The following TESC variants were observed in gnomAD, a reference collection of about 807,000 sequenced individuals.
The protein encoded by TESC is calcineurin B homologous protein 3.
TESC carries 19 observed loss-of-function variants against 31.0 expected under a neutral mutation model. That is an observed-to-expected ratio of 0.61 (90% CI 0.43 to 0.90). TESC has a LOEUF of 0.90. Among genes scored for constraint, TESC ranks in the 40% least tolerant of loss-of-function variants. The probability of loss-of-function intolerance (pLI) is 0.00; values close to 1 mark genes in which losing one functional copy is unlikely to be tolerated. For missense variants in TESC, 248 were observed against 303.8 expected, an observed-to-expected ratio of 0.82 and a Z score of 1.36; for synonymous variants, 109 against 114.8, an observed-to-expected ratio of 0.95 and a Z score of 0.32.
intron 1 of TESC, among the ~76,000 whole-genome samples, chr12:117,093,939 G>A (rs1302916351): frequency 4.6e-5 from 7 of 152,098 alleles, no homozygotes; most frequent in Non-Finnish European, 2.9e-5. Context: ...GAGCAGACAC[G>A]GATGGGGGGG....
chr12:117,040,292 G>A (rs866525831), intron 7 of TESC, among the ~76,000 whole-genome samples: 1 of 152,100 alleles, frequency 6.6e-6, no homozygotes, highest in South Asian at 2.1e-4. Context: ...AGGGTAACAC[G>A]CATGGACACT....
intron 1 of TESC, chr12:117,083,930 C>T (rs1815756514): frequency 6.6e-6 from 1 of 152,060 alleles, no homozygotes. Context: ...CCCATCTCTA[C>T]TGAAAATACA....
At chr12:117,042,102 T>C in intron 6 of TESC, 108 bp from the exon 7 acceptor site, 1 of 1,119,292 alleles carries the variant, frequency 8.9e-7, no homozygotes, top group African/African-American at 1.6e-5. Flanking sequence ...CAAATGTAAG[T>C]TGTTGAGGCT....
chr12:117,087,071 C>T (rs888686809), intron 1 of TESC, among the ~76,000 whole-genome samples: 3 of 152,206 alleles, frequency 2.0e-5, no homozygotes, highest in Admixed American at 6.5e-5. Context: ...GCCTGGCACA[C>T]GCAGGGCACT....
intron 1 of TESC, among the ~76,000 whole-genome samples, chr12:117,083,473 G>A (rs749909186): frequency 1.2e-4 from 18 of 151,604 alleles, no homozygotes; most frequent in Non-Finnish European, 1.8e-4. Context: ...TAAGTGCCAA[G>A]AGGTGGAAAC....
At chr12:117,059,744 T>G (rs538676496) in intron 2 of TESC, among the ~76,000 whole-genome samples, 1 of 152,150 alleles carries the variant, frequency 6.6e-6, no homozygotes, top group East Asian at 1.9e-4. Context: ...AGACATGTGC[T>G]ACCACGCCCA....
rs1337568547 is a variant in TESC, at chr12:117,046,535, C to T, written c.519+24G>A. On this transcript the variant is annotated intron_variant, in intron 6 of 7. Transcript: ENST00000335209. The stretch of plus-strand genomic sequence containing the variant: ...TAAGCGGGAAAGGCACTGCGCGTCT[C>T]GGGAGGGCTGCAGGGGCGCTCACCA... 7.1e-6 allele frequency: 11 copies of T among 1,539,710 alleles called. No individual in the cohort carries two copies. The South Asian group carries it at 8.4e-5, about 12-fold the overall frequency.
At chr12:117,052,599 A>T (rs968290380) in intron 3 of TESC, among the ~76,000 whole-genome samples, 7 of 152,180 alleles carry the variant, frequency 4.6e-5, no homozygotes, top group African/African-American at 1.7e-4. Flanking sequence ...CCAGGGACCT[A>T]TAGGGGAGGC....
intron 1 of TESC, among the ~76,000 whole-genome samples, chr12:117,093,783 T>C (rs77885449): frequency 2.8e-5 from 3 of 105,296 alleles, no homozygotes; most frequent in Non-Finnish European, 6.9e-5. Flanking sequence ...GTCTGGAGAT[T>C]TTTTTTTTTT....
At chr12:117,050,139 C>CAA (rs1005308724) in intron 3 of TESC, among the ~76,000 whole-genome samples, 1 of 77,744 alleles carries the variant, frequency 1.3e-5, no homozygotes. Context: ...AAATGCTTGC[C>CAA]AAAAAAAAAA....
intron 6 of TESC, among the ~76,000 whole-genome samples, chr12:117,042,883 G>A (rs1954505511): frequency 6.6e-6 from 1 of 152,188 alleles, no homozygotes; most frequent in Non-Finnish European, 1.5e-5. Context: ...TTCCATTACT[G>A]GAACGCTAAG....
intron 2 of TESC, among the ~76,000 whole-genome samples, chr12:117,068,041 G>A (rs528210621): frequency 6.6e-6 from 1 of 152,282 alleles, no homozygotes; most frequent in Non-Finnish European, 1.5e-5. Context: ...ACAGGTGCAT[G>A]CCACCATGCC....
chr12:117,094,584 T>C (rs987089051), intron 1 of TESC, among the ~76,000 whole-genome samples: 3 of 152,162 alleles, frequency 2.0e-5, no homozygotes. Context: ...TAACATGGTG[T>C]GATGCCTGCT....
At chr12:117,065,638 C>A (rs1954867564) in intron 2 of TESC, among the ~76,000 whole-genome samples, 2 of 152,158 alleles carry the variant, frequency 1.3e-5, no homozygotes, top group South Asian at 4.1e-4. Flanking sequence ...CCTATAATTT[C>A]AGCACTTTGG....
intron 2 of TESC, among the ~76,000 whole-genome samples, chr12:117,060,074 C>T (rs982585353): frequency 7.9e-5 from 12 of 152,064 alleles, no homozygotes; most frequent in South Asian, 2.1e-4. Flanking sequence ...TGATGGCTAA[C>T]GGGTGCAGAG....
At chr12:117,075,001 C>T (rs1955027634) in intron 2 of TESC, among the ~76,000 whole-genome samples, 1 of 152,076 alleles carries the variant, frequency 6.6e-6, no homozygotes. Flanking sequence ...AAAACATTAG[C>T]CGAGCATGGT....
At chr12:117,059,070 G>A (rs1954767855) in intron 2 of TESC, among the ~76,000 whole-genome samples, 1 of 152,216 alleles carries the variant, frequency 6.6e-6, no homozygotes, top group African/African-American at 2.4e-5. Context: ...GAAGGCAGAG[G>A]GTATCAGCCC....
intron 3 of TESC, among the ~76,000 whole-genome samples, chr12:117,053,085 G>C (rs796966285): frequency 6.6e-6 from 1 of 152,178 alleles, no homozygotes; most frequent in African/African-American, 2.4e-5. Flanking sequence ...CGCGCCTGGA[G>C]TCCCCCTGAG....
intron 1 of TESC, among the ~76,000 whole-genome samples, chr12:117,079,802 A>G (rs982238164): frequency 1.3e-5 from 2 of 152,186 alleles, no homozygotes; most frequent in Non-Finnish European, 2.9e-5. Context: ...TTCCAAAATT[A>G]TATTGTTTTG....
Sources: allele counts gnomAD v4.1 joint callset (sites outside exome capture counted in the v4.1 genomes callset), GRCh38; gene constraint gnomAD v4.1.1; transcripts MANE v1.5; gene names NCBI Gene and HGNC (gene_info 2026-07-23, HGNC 2026-07-21).